Variants in SCEL observed in about 807,000 individuals in gnomAD.
The protein encoded by SCEL is sciellin.
Under a neutral mutation model 117.6 loss-of-function variants are expected in SCEL, and 113 were observed. The ratio of observed to expected loss-of-function variants is 0.96; its 90% CI spans 0.83 to 1.12. The LOEUF (loss-of-function observed/expected upper bound fraction) is 1.12. Among genes scored for constraint, SCEL ranks in the 50% most tolerant of loss-of-function variants. The pLI is 0.00. For synonymous variants in SCEL, 270 were observed against 256.2 expected, an observed-to-expected ratio of 1.05 and a Z score of -0.51; for missense variants, 785 against 810.8, an observed-to-expected ratio of 0.97 and a Z score of 0.39.
chr13:77,556,492 T>G lies in SCEL; in HGVS notation c.44-104T>G, dbSNP rs566049433. On this transcript the variant is annotated intron_variant, in intron 2 of 32. Coordinates refer to ENST00000349847, the MANE Select transcript of SCEL (RefSeq NM_144777.3). ...CAGTACTGGACTTGCCAGCCCAGAT[T>G]GATGCTGGCCAATCAGATGTGCCTC... The G allele has an allele frequency of 1.4e-4, 129 of 899,352 alleles. No individual in the cohort carries two copies. The South Asian group carries it at 1.6e-3, about 11-fold the overall frequency. 55.7% of individuals were successfully genotyped at this position (899,352 alleles called of 1,614,324 possible). A position where few individuals can be genotyped will look rare whatever the true frequency, so the allele number is the denominator to read the frequency against.
At chr13:77,554,419 ATCT>A in intron 1 of SCEL, among the ~76,000 whole-genome samples, 2 of 152,158 alleles carry the variant, frequency 1.3e-5, no homozygotes, top group Non-Finnish European at 2.9e-5. Context: ...TCCACCTCTG[ATCT>A]TCTGCAGTGC....
chr13:77,546,103 A>T (rs2083973241), intron 1 of SCEL, among the ~76,000 whole-genome samples: 1 of 152,194 alleles, frequency 6.6e-6, no homozygotes, highest in South Asian at 2.1e-4. Context: ...GAACCATGTC[A>T]GGCCACTTCA....
chr13:77,567,765 A>T lies in SCEL; in HGVS notation c.359+17A>T. 6.7e-7 allele frequency: 1 copy of T among 1,498,094 alleles called. No homozygotes were observed. Among genetic ancestry groups the T allele is most frequent in the African/African-American group, 1.4e-5 (1 of 71,418 alleles). 92.8% of individuals were successfully genotyped at this position (1,498,094 alleles called of 1,614,324 possible). A position where few individuals can be genotyped will look rare whatever the true frequency, so the allele number is the denominator to read the frequency against. ...AACCAATAGGTACCAGTATCTACTA[A>T]CTATGGGAAAGGCTCAAGTATAATA... On this transcript the variant is annotated intron_variant, in intron 6 of 32. Coordinates refer to ENST00000349847, the MANE Select transcript of SCEL (RefSeq NM_144777.3).
chr13:77,604,793 A>G (rs1270088210), intron 19 of SCEL, among the ~76,000 whole-genome samples: 1 of 152,174 alleles, frequency 6.6e-6, no homozygotes, highest in African/African-American at 2.4e-5. Context: ...ATATGTATGT[A>G]GATGTAAGTA....
intron 9 of SCEL, among the ~76,000 whole-genome samples, chr13:77,582,144 T>C (rs1214524442): frequency 2.0e-5 from 3 of 152,200 alleles, no homozygotes; most frequent in Non-Finnish European, 2.9e-5. Flanking sequence ...GAATGTCATA[T>C]AATGGAATCA....
intron 30 of SCEL, among the ~76,000 whole-genome samples, chr13:77,639,293 G>T (rs2090448648): frequency 6.6e-6 from 1 of 152,164 alleles, no homozygotes; most frequent in Non-Finnish European, 1.5e-5. Flanking sequence ...GAAAATATTT[G>T]CTAGGTAGCT....
chr13:77,603,171 T>C (rs1338440491), intron 18 of SCEL, 36 bp downstream of exon 18: 2 of 1,282,398 alleles, frequency 1.6e-6, no homozygotes, highest in Admixed American at 4.5e-5. Flanking sequence ...ATGGTTTCTG[T>C]TAAGTGTCAA....
chr13:77,642,577 G>T, intron 31 of SCEL, 129 bp from the exon 32 acceptor site: 1 of 534,430 alleles, frequency 1.9e-6, no homozygotes. Context: ...TCCACTGTGA[G>T]TGAAGTAGAA....
In SCEL at chr13:77,586,428, A is replaced by G. The variant is rs144557940; in HGVS notation, c.546-2716A>G. Among the ~76,000 whole-genome samples, 21 of 152,162 alleles carry G rather than the reference A, an allele frequency of 1.4e-4. 1 individual carries two copies. The East Asian group carries it at 2.7e-3, about 20-fold the overall frequency. On this transcript the variant is annotated intron_variant, in intron 9 of 32. Coordinates refer to ENST00000349847, the MANE Select transcript of SCEL (RefSeq NM_144777.3). Reference sequence around the variant, plus strand: ...ATTCCTCAGCCCCATCACAATCACCAGTCCATTAATTCTACCAGTTTTTTC... The same window carrying G: ...ATTCCTCAGCCCCATCACAATCACCGGTCCATTAATTCTACCAGTTTTTTC...
At position 77,608,931 on chromosome 13, in the gene SCEL, C is replaced by A. The variant is rs2088433244; in HGVS notation, c.1218-127C>A. On this transcript the variant is annotated intron_variant, in intron 20 of 32. Coordinates refer to ENST00000349847, the MANE Select transcript of SCEL (RefSeq NM_144777.3). Reference sequence around the variant, plus strand: ...TAGTCTTTTAAATTAAGAGCATAGACTGGTATCAATTTATCTCAAAACTCA... The same window carrying A: ...TAGTCTTTTAAATTAAGAGCATAGAATGGTATCAATTTATCTCAAAACTCA... 3 of 720,200 alleles carry A rather than the reference C, an allele frequency of 4.2e-6. No individual in the cohort carries two copies. In the South Asian group the frequency reaches 5.9e-5, roughly 14 times the overall value. 44.6% of individuals were successfully genotyped at this position (720,200 alleles called of 1,614,324 possible).
rs35655886 is a variant in SCEL, at chr13:77,571,712, C to CATATATATAT, written c.480-402_480-393dup. ...CTCAAAAATAAAAATAAAAATAAAACATATATATATATATATATAGAGTAG... is the reference window on the plus strand; with the variant it reads ...CTCAAAAATAAAAATAAAAATAAAACATATATATATATATATATATATATATATAGAGTAG... On this transcript the variant is annotated intron_variant, in intron 8 of 32. Coordinates refer to ENST00000349847, the MANE Select transcript of SCEL (RefSeq NM_144777.3). Among the ~76,000 whole-genome samples, 335 of 145,114 alleles carry CATATATATAT rather than the reference C, an allele frequency of 2.3e-3. 5 individuals are homozygous for CATATATATAT. The East Asian group carries it at 0.049, about 21-fold the overall frequency.
chr13:77,599,233 G>A (rs1198899108), intron 13 of SCEL, 96 bp from the exon 14 acceptor site: 21 of 820,368 alleles, frequency 2.6e-5, no homozygotes, highest in Non-Finnish European at 3.9e-5. Flanking sequence ...ACAAGCTTCT[G>A]TTTCCTGTCT....
intron 27 of SCEL, among the ~76,000 whole-genome samples, chr13:77,624,150 G>C (rs1015410587): frequency 3.4e-5 from 5 of 148,158 alleles, no homozygotes; most frequent in African/African-American, 1.3e-4. Flanking sequence ...TCTTGCCCAG[G>C]CTGGAGTGCA....
chr13:77,551,600 T>C (rs1015518176), intron 1 of SCEL, among the ~76,000 whole-genome samples: 2 of 152,174 alleles, frequency 1.3e-5, no homozygotes, highest in Admixed American at 1.3e-4. Context: ...CTGGTGTCTC[T>C]TTGTGTTTCG....
chr13:77,576,498 A>G (rs1268919226), intron 9 of SCEL, among the ~76,000 whole-genome samples: 10 of 152,190 alleles, frequency 6.6e-5, no homozygotes, highest in Admixed American at 5.2e-4. Context: ...ATCCAGCTCC[A>G]GGGTTTCACC....
At chr13:77,604,818 A>G (rs536003472) in intron 19 of SCEL, among the ~76,000 whole-genome samples, 1 of 152,244 alleles carries the variant, frequency 6.6e-6, no homozygotes, top group South Asian at 2.1e-4. Flanking sequence ...ATGTGAGTGT[A>G]TGTGCATGTG....
chr13:77,554,848 A>G (rs1388211009), intron 1 of SCEL, among the ~76,000 whole-genome samples: 1 of 152,058 alleles, frequency 6.6e-6, no homozygotes, highest in African/African-American at 2.4e-5. Context: ...TGAGATGGAC[A>G]CTGGAAAGGA....
At position 77,572,107 on chromosome 13, in the gene SCEL, G is replaced by A. The variant is rs764659222; in HGVS notation, c.480-17G>A. The A allele has an allele frequency of 1.3e-5, 21 of 1,606,184 alleles. No homozygotes were observed. The highest frequency in any genetic ancestry group is 6.7e-5 in the African/African-American group (5 of 74,810). ...CCTTTCAATCACAATGTTTATTACCGTGTCATTTCTTAACAGGCAGTCCTG... is the reference window on the plus strand; with the variant it reads ...CCTTTCAATCACAATGTTTATTACCATGTCATTTCTTAACAGGCAGTCCTG... On this transcript the variant is annotated splice_polypyrimidine_tract_variant and intron_variant, in intron 8 of 32. Transcript: ENST00000349847.
At chr13:77,577,608 C>T (rs937368855) in intron 9 of SCEL, among the ~76,000 whole-genome samples, 23 of 152,062 alleles carry the variant, frequency 1.5e-4, no homozygotes, top group African/African-American at 4.8e-4. Flanking sequence ...ATCTGATTTC[C>T]CTTCAATATT....
Sources: gnomAD v4.1 joint callset for allele counts (sites outside exome capture counted in the v4.1 genomes callset) on GRCh38, gnomAD v4.1.1 for gene constraint, MANE v1.5 for transcripts, NCBI Gene and HGNC (gene_info 2026-07-23, HGNC 2026-07-21) for gene names.